The following PCDH11Y variants were observed in gnomAD, a reference collection of about 807,000 sequenced individuals.
PCDH11Y encodes the protein protocadherin-11 Y-linked.
For synonymous variants in PCDH11Y, 9 were observed against 83.6 expected (o/e 0.11, Z 4.87); for missense variants, 12 against 224.8 (o/e 0.05, Z 6.05).
In PCDH11Y at chrY:5,206,459, G is replaced by A. The variant is rs370278901; in HGVS notation, c.3129+105752G>A. 4.3e-3 allele frequency among the ~76,000 whole-genome samples: 115 copies of A among 26,644 alleles called. No individual in the cohort carries two copies. In the South Asian group the frequency reaches 0.071, roughly 16 times the overall value. 71.5% of individuals were successfully genotyped at this position (26,644 alleles called of 37,273 possible). A position where few individuals can be genotyped will look rare whatever the true frequency, so the allele number is the denominator to read the frequency against. On this transcript the variant is annotated intron_variant, in intron 2 of 4. Transcript: ENST00000400457. ...CACAGAAAATGGAAGACTCTAAAAT[G>A]TACCCATTAGACTGCTAAAAAACAA...
chrY:5,442,559 A>G (rs2053283540), intron 2 of PCDH11Y, among the ~76,000 whole-genome samples: 1 of 32,800 alleles, frequency 3.0e-5, no homozygotes, highest in Non-Finnish European at 7.5e-5. Context: ...AATTAAGCAG[A>G]AGAAAAAAAG....
At chrY:5,516,632 G>T (rs2573897) in intron 3 of PCDH11Y, among the ~76,000 whole-genome samples, 1 of 32,316 alleles carries the variant, frequency 3.1e-5, no homozygotes, top group African/African-American at 1.2e-4. Flanking sequence ...TTTTTTGTTT[G>T]TTTGTTTGTT....
chrY:5,009,148 C>A (rs2052544079), intron 1 of PCDH11Y, among the ~76,000 whole-genome samples: 1 of 33,127 alleles, frequency 3.0e-5, no homozygotes, highest in Non-Finnish European at 7.4e-5. Flanking sequence ...TTTAAAACAC[C>A]ATCATGTAGG....
intron 2 of PCDH11Y, among the ~76,000 whole-genome samples, chrY:5,113,724 AAAAAG>A: frequency 3.8e-5 from 1 of 26,542 alleles, no homozygotes; most frequent in Non-Finnish European, 8.5e-5. Flanking sequence ...GTTTAAAAAA[AAAAAG>A]AAAAAGAAAA....
intron 2 of PCDH11Y, among the ~76,000 whole-genome samples, chrY:5,220,063 G>A: frequency 3.0e-5 from 1 of 33,025 alleles, no homozygotes; most frequent in Non-Finnish European, 7.4e-5. Context: ...CTGTCTATGT[G>A]TGGGTTTATT....
intron 2 of PCDH11Y, among the ~76,000 whole-genome samples, chrY:5,385,496 G>C: frequency 6.4e-5 from 2 of 31,461 alleles, no homozygotes; most frequent in Non-Finnish European, 1.5e-4. Flanking sequence ...TTATGGCTGA[G>C]TAGTATCCCA....
intron 2 of PCDH11Y, among the ~76,000 whole-genome samples, chrY:5,284,315 A>G (rs2053057711): frequency 1.5e-3 from 49 of 32,459 alleles, no homozygotes; most frequent in Admixed American, 1.2e-3. Context: ...ATGACGGGGA[A>G]CAAAGCCGGG....
At chrY:5,355,761 A>G (rs369828723) in intron 2 of PCDH11Y, among the ~76,000 whole-genome samples, 8 of 33,190 alleles carry the variant, frequency 2.4e-4, no homozygotes, top group African/African-American at 9.4e-4. Flanking sequence ...AACAAGATGG[A>G]TTTCTAATGT....
chrY:5,580,765 A>G, intron 3 of PCDH11Y, among the ~76,000 whole-genome samples: 1 of 32,794 alleles, frequency 3.0e-5, no homozygotes, highest in Admixed American at 2.8e-4. Context: ...GCATAGAAAC[A>G]TTACTTTCAC....
intron 3 of PCDH11Y, chrY:5,573,958 A>C (rs2053443069): frequency 5.0e-6 from 1 of 201,923 alleles, no homozygotes; most frequent in Non-Finnish European, 9.1e-6. Flanking sequence ...TGGCCTCAGC[A>C]GATTGAGGAG....
chrY:5,699,042 T>A, intron 4 of PCDH11Y, among the ~76,000 whole-genome samples: 1 of 33,089 alleles, frequency 3.0e-5, no homozygotes, highest in Admixed American at 2.7e-4. Flanking sequence ...TTGCTTTTCT[T>A]TTAACAGTCA....
chrY:5,219,328 C>G, intron 2 of PCDH11Y, among the ~76,000 whole-genome samples: 1 of 32,279 alleles, frequency 3.1e-5, no homozygotes, highest in Non-Finnish European at 7.6e-5. Context: ...TACATCCCCC[C>G]CCCACAGTTT....
intron 2 of PCDH11Y, among the ~76,000 whole-genome samples, chrY:5,124,696 C>T: frequency 3.1e-5 from 1 of 32,413 alleles, no homozygotes; most frequent in Non-Finnish European, 7.5e-5. Context: ...GAGTTCTGAT[C>T]TCCATATACA....
At chrY:5,615,754 T>C (rs2124701546) in intron 4 of PCDH11Y, among the ~76,000 whole-genome samples, 2 of 33,754 alleles carry the variant, frequency 5.9e-5, no homozygotes, top group African/African-American at 2.3e-4. Flanking sequence ...TTTTCAGAGA[T>C]GTATATTCTT....
intron 2 of PCDH11Y, among the ~76,000 whole-genome samples, chrY:5,285,233 T>C (rs2124661149): frequency 6.3e-5 from 2 of 31,861 alleles, no homozygotes; most frequent in South Asian, 1.4e-3. Flanking sequence ...GGACATGATC[T>C]CATTCTCTCT....
chrY:5,360,330 CGT>C (rs554505426), intron 2 of PCDH11Y, among the ~76,000 whole-genome samples: 704 of 23,388 alleles, frequency 0.03, no homozygotes, highest in Middle Eastern at 0.17. Context: ...GAAGTGTGTG[CGT>C]GTGTGTGTGT....
chrY:5,157,440 T>C (rs2124644119), intron 2 of PCDH11Y, among the ~76,000 whole-genome samples: 1 of 31,906 alleles, frequency 3.1e-5, no homozygotes, highest in African/African-American at 1.2e-4. Context: ...GGCCCTTTCG[T>C]TGAATGTGTT....
intron 2 of PCDH11Y, among the ~76,000 whole-genome samples, chrY:5,437,965 G>C (rs2124681385): frequency 3.0e-5 from 1 of 33,080 alleles, no homozygotes; most frequent in African/African-American, 1.2e-4. Flanking sequence ...TCAACAATGG[G>C]AATGAAATGG....
chrY:5,155,335 C>T, intron 2 of PCDH11Y, among the ~76,000 whole-genome samples: 1 of 32,595 alleles, frequency 3.1e-5, no homozygotes, highest in African/African-American at 1.2e-4. Flanking sequence ...ATTTTACGTT[C>T]CAGGGTACAT....
Sources: gnomAD v4.1 joint callset for allele counts (sites outside exome capture counted in the v4.1 genomes callset) on GRCh38, gnomAD v4.1.1 for gene constraint, MANE v1.5 for transcripts, NCBI Gene and HGNC (gene_info 2026-07-23, HGNC 2026-07-21) for gene names.